Variants in A2M observed in about 807,000 individuals in gnomAD.
The protein encoded by A2M is C3 and PZP-like alpha-2-macroglobulin domain-containing protein 5.
Under a neutral mutation model 183.9 loss-of-function variants are expected in A2M, and 128 were observed. That is an observed-to-expected ratio of 0.70 (90% CI 0.60 to 0.81). The LOEUF is 0.81. Ranked by LOEUF, A2M falls within the 30% of genes least tolerant of loss-of-function variation. The probability of loss-of-function intolerance (pLI) is 0.00; values close to 1 mark genes in which losing one functional copy is unlikely to be tolerated. For missense variants in A2M, 1,495 were observed against 1,787.6 expected (o/e 0.84, Z 2.95); for synonymous variants, 592 against 670.8 (o/e 0.88, Z 1.81).
At chr12:9,093,138 G>A (rs144208457) in intron 18 of A2M, among the ~76,000 whole-genome samples, 273 of 152,294 alleles carry the variant, frequency 1.8e-3, no homozygotes, top group Non-Finnish European at 2.8e-3. Context: ...TTGAAGTTAC[G>A]TAGGATGAAT....
At chr12:9,068,875 A>G (rs1410933912) in intron 33 of A2M, 33 bp from the exon 34 acceptor site, 16 of 1,484,608 alleles carry the variant, frequency 1.1e-5, no homozygotes, top group Non-Finnish European at 1.5e-5. Flanking sequence ...ATGACCTTTC[A>G]GGAAGCTTTC....
At chr12:9,073,804 G>A (rs1433198604) in intron 29 of A2M, among the ~76,000 whole-genome samples, 1 of 152,052 alleles carries the variant, frequency 6.6e-6, no homozygotes, top group Non-Finnish European at 1.5e-5. Context: ...AGGTGAATAG[G>A]GGGCTGGACG....
At position 9,072,482 on chromosome 12, in the gene A2M, G is replaced by T. The variant is rs749466406; in HGVS notation, c.3980C>A (p.Ser1327Tyr). The T allele has an allele frequency of 4.3e-6, 7 of 1,611,314 alleles. No individual in the cohort carries two copies. The highest frequency in any genetic ancestry group is 5.9e-6 in the Non-Finnish European group (7 of 1,179,134). Residue 1327 changes from serine to tyrosine, a missense_variant, in exon 31 of 36, where the codon TCC (serine) becomes TAC (tyrosine). Coordinates refer to ENST00000318602, the MANE Select transcript of A2M (RefSeq NM_000014.6). ...TTCTGGGAGAATATTGTATTTCAAG[G>T]ATGTCTATAGAACATCAAAGACAAA... ...TGEGCVYLQT[S>Y]LKYNILPEKE... is the part of the protein sequence containing the mutation.
chr12:9,104,482 G>T, intron 10 of A2M, 82 bp from the exon 11 acceptor site: 3 of 1,417,352 alleles, frequency 2.1e-6, no homozygotes, highest in Non-Finnish European at 2.9e-6. Context: ...ATTTTTTAGT[G>T]CCTCCTCTAT....
intron 5 of A2M, 27 bp downstream of exon 5, chr12:9,110,287 T>G: frequency 6.9e-7 from 1 of 1,453,128 alleles, no homozygotes. Context: ...GCTTTCCTTT[T>G]AATATGGAAT....
In A2M at chr12:9,109,995, T is replaced by G; in HGVS notation, c.545A>C (p.Gln182Pro). 6.2e-7 allele frequency: 1 copy of G among 1,613,670 alleles called. No individual in the cohort carries two copies. Among genetic ancestry groups the G allele is most frequent in the Non-Finnish European group, 8.5e-7 (1 of 1,179,748 alleles). ...GNRIAQWQSF[Q>P]LEGGLKQFSF... ...AAATTGCTTGAGGCCACCCTCTAAC[T>G]GGAAACTCTGCCATTGTGCGATGCG... The change falls in exon 6 of 36, where the codon CAG becomes CCG. Residue 182 changes from glutamine to proline, a missense_variant. Gln to Pro is a moderately conservative substitution (Grantham distance 76). Coordinates refer to ENST00000318602, the MANE Select transcript of A2M (RefSeq NM_000014.6).
At chr12:9,088,035 A>G (rs1949100616) in intron 22 of A2M, among the ~76,000 whole-genome samples, 1 of 152,100 alleles carries the variant, frequency 6.6e-6, no homozygotes, top group Non-Finnish European at 1.5e-5. Flanking sequence ...AATTCCAAGG[A>G]AAGACCTAGA....
Position 9,098,545 on chromosome 12 carries a change from T to G in A2M, c.1851+62A>C, listed in dbSNP as rs1044390678. The G allele has an allele frequency of 1.1e-4, 165 of 1,530,926 alleles. 2 individuals are homozygous for G. In the South Asian group the frequency reaches 2.0e-3, roughly 18 times the overall value. The allele number at this position is 1,530,926 out of a possible 1,614,324, so 94.8% of individuals were successfully genotyped here. Reference sequence around the variant, plus strand: ...GATCTTATCCTACTTATCCAGTCATTTTTCCTTGCTCTGAGCCCCTGGCAC... The same window carrying G: ...GATCTTATCCTACTTATCCAGTCATGTTTCCTTGCTCTGAGCCCCTGGCAC... On this transcript the variant is annotated intron_variant, in intron 15 of 35. Transcript: ENST00000318602.
rs1949332782 is a variant in A2M at position 9,095,058 on chromosome 12, G to T, written c.2040C>A (p.Asn680Lys). 1 of 1,592,302 alleles carries T rather than the reference G, an allele frequency of 6.3e-7. No individual in the cohort carries two copies. The highest frequency in any genetic ancestry group is 2.3e-5 in the East Asian group (1 of 44,192). Reference protein sequence around the residue: ...LEDMGLKAFTNSKIRKPKMCP... With the variant: ...LEDMGLKAFTKSKIRKPKMCP... ...ACATTTTGGGTTTACGAATCTTTGA[G>T]TTGGTGAATGCCTTTAAGCCCATGT... Residue 680 changes from asparagine (N) to lysine (K), a missense_variant, in exon 17 of 36, where the codon AAC becomes AAA. Asn to Lys is a moderately conservative substitution (Grantham distance 94). Coordinates refer to ENST00000318602, the MANE Select transcript of A2M (RefSeq NM_000014.6).
rs573449982 is a variant in A2M at position 9,090,036 on chromosome 12, G to C, written c.2597-13C>G. 1.9e-6 allele frequency: 3 copies of C among 1,581,894 alleles called. No homozygotes were observed. Among genetic ancestry groups the C allele is most frequent in the African/African-American group, 1.3e-5 (1 of 74,426 alleles). Reference sequence around the variant, plus strand: ...AAATTCACATTTCCTGAAAAAAAAGGCCAGTAGAAATGAATAGCATCTTCC... The same window carrying C: ...AAATTCACATTTCCTGAAAAAAAAGCCCAGTAGAAATGAATAGCATCTTCC... On this transcript the variant is annotated splice_polypyrimidine_tract_variant and intron_variant, in intron 20 of 35. Coordinates refer to ENST00000318602, the MANE Select transcript of A2M (RefSeq NM_000014.6).
At chr12:9,077,524 A>T in intron 26 of A2M, 104 bp from the exon 27 acceptor site, 2 of 1,463,254 alleles carry the variant, frequency 1.4e-6, no homozygotes, top group Non-Finnish European at 1.9e-6. Flanking sequence ...ACCCATATCC[A>T]TCCCTATAGG....
chr12:9,094,340 CATAT>C (rs59647548), intron 17 of A2M, among the ~76,000 whole-genome samples: 10,252 of 96,948 alleles, frequency 0.11, 458 homozygotes, highest in Middle Eastern at 0.15. Flanking sequence ...AAAAATTGTG[CATAT>C]ATATATATAT....
Position 9,080,092 on chromosome 12 carries a change from A to G in A2M, c.2854+2T>C. On this transcript the variant is annotated splice_donor_variant, in intron 23 of 35. Coordinates refer to ENST00000318602, the MANE Select transcript of A2M (RefSeq NM_000014.6). LOFTEE classifies it high-confidence loss of function. ...CGGATCCACTAGGGGCTGGAGACTC[A>G]CCCAAAACTGAGACAGAAGCTCGGG... 1 of 1,579,128 alleles carries G rather than the reference A, an allele frequency of 6.3e-7. No individual in the cohort carries two copies. Among genetic ancestry groups the G allele is most frequent in the Non-Finnish European group, 8.6e-7 (1 of 1,161,144 alleles).
Position 9,115,832 on chromosome 12 carries a change from G to C in A2M, c.18C>G (p.Leu6=). MGKNK[L]LHPSLVLLLL... ...GGAGAAGAACCAGACTTGGATGAAG[G>C]AGTTTGTTCTTCCCCATGTTGCAGA... is the stretch of plus-strand genomic sequence containing the variant. The change falls in exon 1 of 36, where the codon CTC becomes CTG. Residue 6 remains leucine, a synonymous_variant. Coordinates refer to ENST00000318602, the MANE Select transcript of A2M (RefSeq NM_000014.6). The C allele has an allele frequency of 1.2e-6, 2 of 1,613,316 alleles. No homozygotes were observed. Among genetic ancestry groups the C allele is most frequent in the Non-Finnish European group, 1.7e-6 (2 of 1,179,368 alleles).
At chr12:9,096,614 G>A (rs1232275916) in intron 15 of A2M, among the ~76,000 whole-genome samples, 1 of 152,190 alleles carries the variant, frequency 6.6e-6, no homozygotes, top group Non-Finnish European at 1.5e-5. Context: ...ATTTGAAGGT[G>A]AGAAGTAAGA....
chr12:9,104,503 G>A, intron 10 of A2M, 103 bp from the exon 11 acceptor site: 6 of 1,250,496 alleles, frequency 4.8e-6, no homozygotes, highest in Non-Finnish European at 4.4e-6. Flanking sequence ...GTTGAACATG[G>A]TTCCAGGCAC....
In A2M at chr12:9,104,258, C is replaced by T; in HGVS notation, c.1247G>A (p.Gly416Asp). The T allele has an allele frequency of 6.2e-6, 10 of 1,612,354 alleles. No homozygotes were observed. The highest frequency in any genetic ancestry group is 8.5e-6 in the Non-Finnish European group (10 of 1,179,236). Residue 416 changes from glycine to aspartate, a missense_variant, in exon 11 of 36, where the codon GGT (glycine) becomes GAT (aspartate). Transcript: ENST00000318602. ...ACTTACCCTAACAGTAAGAGAGGTACCCATAACATTGGTGGTGTTGATAGA... is the reference window on the plus strand; with the variant it reads ...ACTTACCCTAACAGTAAGAGAGGTATCCATAACATTGGTGGTGTTGATAGA... ...QFSINTTNVMGTSLTVRVNYK... is the reference protein window; with the variant it reads ...QFSINTTNVMDTSLTVRVNYK...
Position 9,101,412 on chromosome 12 carries a change from T to C in A2M, c.1494+35A>G. ...ACTTGCTCCACAGAGAGCTTTTGTC[T>C]ACAGTGAAGTCAACGCAGTAACCTC... On this transcript the variant is annotated intron_variant, in intron 12 of 35. Coordinates refer to ENST00000318602, the MANE Select transcript of A2M (RefSeq NM_000014.6). The C allele has an allele frequency of 3.9e-6, 6 of 1,554,668 alleles. No homozygotes were observed. The South Asian group carries it at 6.8e-5, about 18-fold the overall frequency.
At chr12:9,101,362 A>G in intron 12 of A2M, 85 bp downstream of exon 12, 2 of 1,353,954 alleles carry the variant, frequency 1.5e-6, no homozygotes, top group Non-Finnish European at 2.1e-6. Flanking sequence ...AGTTGAAGTA[A>G]TGACATCTAA....
Sources: allele counts gnomAD v4.1 joint callset (sites outside exome capture counted in the v4.1 genomes callset), GRCh38; gene constraint gnomAD v4.1.1; transcripts MANE v1.5; gene names NCBI Gene and HGNC (gene_info 2026-07-23, HGNC 2026-07-21).